Variants in TCF21 observed in about 807,000 individuals in gnomAD.
TCF21 encodes transcription factor 21, also known as capsulin.
Under a neutral mutation model 13.5 loss-of-function variants are expected in TCF21, and 3 were observed. The ratio of observed to expected loss-of-function variants is 0.22; its 90% CI spans 0.10 to 0.57. TCF21 has a LOEUF of 0.57. Among genes scored for constraint, TCF21 ranks in the 20% least tolerant of loss-of-function variants. The probability of loss-of-function intolerance (pLI) is 0.92; values close to 1 mark genes in which losing one functional copy is unlikely to be tolerated. For synonymous variants in TCF21, 92 were observed against 101.7 expected, an observed-to-expected ratio of 0.90 and a Z score of 0.57; for missense variants, 181 against 238.4, an observed-to-expected ratio of 0.76 and a Z score of 1.59.
intron 1 of TCF21, among the ~76,000 whole-genome samples, chr6:133,891,050 G>A (rs1401917551): frequency 6.6e-6 from 1 of 152,184 alleles, no homozygotes; most frequent in African/African-American, 2.4e-5. Flanking sequence ...AAAACAGCCC[G>A]GAGAAAGGAA....
rs1775211645 is a variant in TCF21, at chr6:133,891,261, C to G, written c.451-452C>G. On this transcript the variant is annotated intron_variant, in intron 1 of 1. Coordinates refer to ENST00000367882, the MANE Select transcript of TCF21 (RefSeq NM_003206.4). Reference sequence around the variant, plus strand: ...GATGAAAGCGACAGGGCCCTGAAACCCGACCACCGCCTCAGAAGGAGGCCA... The same window carrying G: ...GATGAAAGCGACAGGGCCCTGAAACGCGACCACCGCCTCAGAAGGAGGCCA... Among the ~76,000 whole-genome samples, 2 of 152,128 alleles carry G rather than the reference C, an allele frequency of 1.3e-5. 1 individual carries two copies. The highest frequency in any genetic ancestry group is 4.1e-4 in the South Asian group (2 of 4,832).
chr6:133,889,311 GTC>G lies in TCF21; in HGVS notation c.-81_-80del, dbSNP rs1269329474. On this transcript the variant is annotated 5_prime_UTR_variant, in exon 1 of 2. Coordinates refer to ENST00000367882, the MANE Select transcript of TCF21 (RefSeq NM_003206.4). This position sits in a 1 kb window ranked among gnomAD's most constrained non-coding sequence, Gnocchi z 5.1. ...ACTCGGGAGGCCTCTTGGTTTCAGG[GTC>G]TCTCTGTCTCTCTCTCACCCTCTTC... 16 of 1,553,598 alleles carry G rather than the reference GTC, an allele frequency of 1.0e-5. No homozygotes were observed. The Admixed American group carries it at 2.5e-4, about 24-fold the overall frequency.
At chr6:133,894,698 A>G (rs1381654046), downstream of TCF21, 2 of 152,606 alleles carry the variant, frequency 1.3e-5, no homozygotes, top group Non-Finnish European at 2.9e-5. Context: ...GCTTCAGCCC[A>G]GGTAGTTGGT....
downstream of TCF21, chr6:133,895,108 T>A (rs1412220138): frequency 2.0e-5 from 3 of 152,000 alleles, no homozygotes; most frequent in Non-Finnish European, 2.9e-5. Flanking sequence ...AAACAGAGAC[T>A]TCATTCTAAA....
At position 133,891,897 on chromosome 6, in the gene TCF21, C is replaced by A; in HGVS notation, c.*95C>A. 1.6e-6 allele frequency: 2 copies of A among 1,281,088 alleles called. No homozygotes were observed. The highest frequency in any genetic ancestry group is 1.3e-5 in the South Asian group (1 of 79,382). 79.4% of individuals were successfully genotyped at this position (1,281,088 alleles called of 1,614,324 possible). ...CTCAGTGCTCTCTGTCTCTGCTTCC[C>A]CCTCGCAATGCTCCTCTCTCTGTCC... is the stretch of plus-strand genomic sequence containing the variant. On this transcript the variant is annotated 3_prime_UTR_variant, in exon 2 of 2. Transcript: ENST00000367882.
rs1232220479 is a variant in TCF21 at position 133,889,394 on chromosome 6, A to T, written c.-4A>T. On this transcript the variant is annotated 5_prime_UTR_variant, in exon 1 of 2. Transcript: ENST00000367882. The surrounding 1 kb of genome is among the most constrained non-coding windows in gnomAD (Gnocchi z 5.1). ...CTCTCTCTCCCTCGTCCACTCCCCC[A>T]AACATGTCCACCGGCTCCCTCAGCG... is the stretch of plus-strand genomic sequence containing the variant. 3 of 1,612,856 alleles carry T rather than the reference A, an allele frequency of 1.9e-6. No homozygotes were observed. Among genetic ancestry groups the T allele is most frequent in the Non-Finnish European group, 2.5e-6 (3 of 1,179,766 alleles).
downstream of TCF21, chr6:133,893,148 G>T (rs934226223): frequency 1.3e-5 from 2 of 152,028 alleles, no homozygotes; most frequent in African/African-American, 4.8e-5. Flanking sequence ...CTTTTTTCTC[G>T]GCTTAGTTTG....
At position 133,889,969 on chromosome 6, in the gene TCF21, AC is replaced by A; in HGVS notation, c.450+124del. On this transcript the variant is annotated intron_variant, in intron 1 of 1. Transcript: ENST00000367882. This position sits in a 1 kb window ranked among gnomAD's most constrained non-coding sequence, Gnocchi z 5.1. ...GCGCGGCGGTGACTTACACATCTCG[AC>A]CACCGCGGGCCTAGAGCCTCCAGGG... The A allele has an allele frequency of 8.9e-7, 1 of 1,122,396 alleles. No individual in the cohort carries two copies. Among genetic ancestry groups the A allele is most frequent in the Non-Finnish European group, 1.3e-6 (1 of 758,012 alleles). The allele number at this position is 1,122,396 out of a possible 1,614,324, so 69.5% of individuals were successfully genotyped here.
At chr6:133,891,649 C>G in intron 1 of TCF21, 64 bp from the exon 2 acceptor site, 1 of 1,498,068 alleles carries the variant, frequency 6.7e-7, no homozygotes, top group South Asian at 1.2e-5. Context: ...CATCTCAGGC[C>G]CCGAGTCCAC....
At chr6:133,893,162 C>T (rs950753194), downstream of TCF21, 2 of 152,232 alleles carry the variant, frequency 1.3e-5, no homozygotes, top group Non-Finnish European at 2.9e-5. Context: ...TAGTTTGGTA[C>T]CTGGAGCGAG....
At position 133,889,268 on chromosome 6, in the gene TCF21, A is replaced by G; in HGVS notation, c.-130A>G. The G allele has an allele frequency of 1.7e-6, 2 of 1,177,860 alleles. No homozygotes were observed. Among genetic ancestry groups the G allele is most frequent in the Admixed American group, 3.4e-5 (2 of 58,080 alleles). The allele number at this position is 1,177,860 out of a possible 1,614,324, so 73.0% of individuals were successfully genotyped here. A position where few individuals can be genotyped will look rare whatever the true frequency, so the allele number is the denominator to read the frequency against. On this transcript the variant is annotated 5_prime_UTR_variant, in exon 1 of 2. Coordinates refer to ENST00000367882, the MANE Select transcript of TCF21 (RefSeq NM_003206.4). The surrounding 1 kb of genome is among the most constrained non-coding windows in gnomAD (Gnocchi z 5.1). Reference sequence around the variant, plus strand: ...CCAGACCCCAACTCCAGCTCCCAGCAGGAGGTGGCTGCGCCACACTCGGGA... The same window carrying G: ...CCAGACCCCAACTCCAGCTCCCAGCGGGAGGTGGCTGCGCCACACTCGGGA...
chr6:133,889,937 G>A lies in TCF21; in HGVS notation c.450+90G>A. 6.9e-7 allele frequency: 1 copy of A among 1,448,316 alleles called. No individual in the cohort carries two copies. Among genetic ancestry groups the A allele is most frequent in the Non-Finnish European group, 9.6e-7 (1 of 1,036,992 alleles). 89.7% of individuals were successfully genotyped at this position (1,448,316 alleles called of 1,614,324 possible). On this transcript the variant is annotated intron_variant, in intron 1 of 1. Transcript: ENST00000367882. This position sits in a 1 kb window ranked among gnomAD's most constrained non-coding sequence, Gnocchi z 5.1. Reference sequence around the variant, plus strand: ...GAGTGCGCGCGGGGCTGGGAGTGGGGGTGTGGGCGCGGCGGTGACTTACAC... The same window carrying A: ...GAGTGCGCGCGGGGCTGGGAGTGGGAGTGTGGGCGCGGCGGTGACTTACAC...
chr6:133,891,524 C>A (rs1240805881), intron 1 of TCF21, among the ~76,000 whole-genome samples, 189 bp from the exon 2 acceptor site: 2 of 152,186 alleles, frequency 1.3e-5, no homozygotes, highest in Non-Finnish European at 2.9e-5. Flanking sequence ...TGTGACTTGG[C>A]GCCAAAGCAG....
At position 133,889,310 on chromosome 6, in the gene TCF21, GGTCTCTCT is replaced by G; in HGVS notation, c.-79_-72del. 1.3e-6 allele frequency: 2 copies of G among 1,552,526 alleles called. No individual in the cohort carries two copies. The highest frequency in any genetic ancestry group is 1.8e-6 in the Non-Finnish European group (2 of 1,136,016). On this transcript the variant is annotated 5_prime_UTR_variant, in exon 1 of 2. Transcript: ENST00000367882. The surrounding 1 kb of genome is among the most constrained non-coding windows in gnomAD (Gnocchi z 5.1). The stretch of plus-strand genomic sequence containing the variant: ...CACTCGGGAGGCCTCTTGGTTTCAG[GGTCTCTCT>G]GTCTCTCTCTCACCCTCTTCCTCGC...
rs967456656 is a variant in TCF21, at chr6:133,889,478, G to C, written c.81G>C (p.Ser27=). The C allele has an allele frequency of 2.3e-5, 37 of 1,614,096 alleles. No individual in the cohort carries two copies. Among genetic ancestry groups the C allele is most frequent in the Non-Finnish European group, 3.0e-5 (35 of 1,180,006 alleles). Residue 27 remains serine, a synonymous_variant, in exon 1 of 2, where the codon TCG becomes TCC. Coordinates refer to ENST00000367882, the MANE Select transcript of TCF21 (RefSeq NM_003206.4). The surrounding 1 kb of genome is among the most constrained non-coding windows in gnomAD (Gnocchi z 5.1). ...AATGTGACGGGTTGAAAATGGATTC[G>C]AACAAGGAATTTGTGACTTCCAACG... The part of the protein sequence containing the change: ...MLECDGLKMD[S]NKEFVTSNES...
At chr6:133,893,195 C>A (rs543935930), downstream of TCF21, 3 of 152,282 alleles carry the variant, frequency 2.0e-5, no homozygotes, top group Admixed American at 2.0e-4. Flanking sequence ...CTTCCACCAA[C>A]CCCACAGGCC....
At chr6:133,891,607 G>GC in intron 1 of TCF21, 106 bp from the exon 2 acceptor site, 1 of 1,201,650 alleles carries the variant, frequency 8.3e-7, no homozygotes, top group South Asian at 1.3e-5. Flanking sequence ...TCTCTCCAGA[G>GC]CACCGCCTGC....
chr6:133,892,816 T>C (rs566855650), downstream of TCF21: 1 of 152,374 alleles, frequency 6.6e-6, no homozygotes, highest in East Asian at 1.9e-4. Flanking sequence ...TTTTGGTTGC[T>C]GTTAGCGGGT....
rs1343167837 is a variant in TCF21, at chr6:133,889,688, G to T, written c.291G>T (p.Lys97Asn). 6.2e-7 allele frequency: 1 copy of T among 1,613,686 alleles called. No homozygotes were observed. Among genetic ancestry groups the T allele is most frequent in the Admixed American group, 1.7e-5 (1 of 60,000 alleles). Residue 97 changes from lysine (K) to asparagine (N), a missense_variant, in exon 1 of 2, where the codon AAG (lysine) becomes AAT (asparagine). Lys to Asn is a moderately conservative substitution (Grantham distance 94). Around this residue, in one of 3 missense-constraint regions of TCF21, gnomAD observed 35 missense variants for 80.4 expected, o/e 0.44. Transcript: ENST00000367882. This position sits in a 1 kb window ranked among gnomAD's most constrained non-coding sequence, Gnocchi z 5.1. ...GGGCCCGCATGCGAGTGCTGAGCAAGGCCTTCTCCAGACTCAAGACCACCC... is the reference window on the plus strand; with the variant it reads ...GGGCCCGCATGCGAGTGCTGAGCAATGCCTTCTCCAGACTCAAGACCACCC... ...RERARMRVLS[K>N]AFSRLKTTLP...
Sources: allele counts gnomAD v4.1 joint callset (sites outside exome capture counted in the v4.1 genomes callset), GRCh38; gene constraint gnomAD v4.1.1; regional missense constraint gnomAD v4.1.1; non-coding constraint Gnocchi (gnomAD v3.1); transcripts MANE v1.5; gene names NCBI Gene and HGNC (gene_info 2026-07-23, HGNC 2026-07-21).